The following UBR1 variants were observed in gnomAD, a reference collection of about 807,000 sequenced individuals.
UBR1 encodes the protein ubiquitin protein ligase E3 component n-recognin 1, also known as E3 ubiquitin-protein ligase UBR1.
UBR1 carries 102 observed loss-of-function variants against 242.1 expected under a neutral mutation model. The observed-to-expected ratio is 0.42, with a 90% CI of 0.36 to 0.50. UBR1 has a LOEUF of 0.50. Ranked by LOEUF, UBR1 falls within the 20% of genes least tolerant of loss-of-function variation. UBR1 has a pLI of 0.01. For synonymous variants in UBR1, 675 were observed against 684.8 expected, an observed-to-expected ratio of 0.99 and a Z score of 0.22; for missense variants, 1,772 against 2,101.8, an observed-to-expected ratio of 0.84 and a Z score of 3.07.
At chr15:43,086,340 T>C in intron 1 of UBR1, 100 bp from the exon 2 acceptor site, 1 of 1,420,158 alleles carries the variant, frequency 7.0e-7, no homozygotes. Context: ...CAAAGTAATT[T>C]ACAGTATATT....
At chr15:43,034,884 T>G (rs2033310466) in intron 19 of UBR1, among the ~76,000 whole-genome samples, 1 of 118,596 alleles carries the variant, frequency 8.4e-6, no homozygotes. Context: ...CAAAACGCCA[T>G]CTCCAAAAAA....
chr15:42,994,459 G>A (rs1386200762), intron 33 of UBR1, among the ~76,000 whole-genome samples: 3 of 148,540 alleles, frequency 2.0e-5, no homozygotes, highest in African/African-American at 7.5e-5. Flanking sequence ...AACTTCTGTA[G>A]AACATATTAC....
At chr15:43,051,761 G>A (rs2033559969) in intron 12 of UBR1, among the ~76,000 whole-genome samples, 1 of 152,064 alleles carries the variant, frequency 6.6e-6, no homozygotes, top group African/African-American at 2.4e-5. Context: ...CAAACAAAAG[G>A]GTAAGGAAGG....
chr15:42,945,733 G>A (rs1365545103), intron 46 of UBR1, among the ~76,000 whole-genome samples: 1 of 152,176 alleles, frequency 6.6e-6, no homozygotes, highest in African/African-American at 2.4e-5. Context: ...TCACTTAAAT[G>A]GTCACTGAGG....
chr15:43,014,433 T>A (rs1167194221), intron 29 of UBR1, among the ~76,000 whole-genome samples: 1 of 150,322 alleles, frequency 6.7e-6, no homozygotes, highest in African/African-American at 2.5e-5. Flanking sequence ...ATCTAGGAAG[T>A]GAGGAGCGCC....
intron 40 of UBR1, 97 bp from the exon 41 acceptor site, chr15:42,966,383 T>G: frequency 2.7e-6 from 4 of 1,491,562 alleles, no homozygotes; most frequent in Non-Finnish European, 3.7e-6. Flanking sequence ...GTTAAACATT[T>G]AGGTAATTTA....
intron 32 of UBR1, among the ~76,000 whole-genome samples, chr15:43,000,619 T>C (rs1274955012): frequency 1.3e-5 from 2 of 152,204 alleles, no homozygotes; most frequent in Non-Finnish European, 2.9e-5. Flanking sequence ...AGTCTCCAAT[T>C]CCTTATCTTT....
chr15:42,976,863 C>T lies in UBR1; in HGVS notation c.4223G>A (p.Gly1408Asp). 8.1e-6 allele frequency: 13 copies of T among 1,613,434 alleles called. No individual in the cohort carries two copies. Among genetic ancestry groups the T allele is most frequent in the East Asian group, 2.2e-5 (1 of 44,842 alleles). The change falls in exon 39 of 47, where the codon GGT becomes GAT. Residue 1408 changes from glycine to aspartate, a missense_variant. Around this residue, in one of 3 missense-constraint regions of UBR1, gnomAD observed 965 missense variants for 1,079.7 expected, o/e 0.89. Coordinates refer to ENST00000290650, the MANE Select transcript of UBR1 (RefSeq NM_174916.3). ...CAAGGATGGGAATGCTAACACAGCA[C>T]CCACCTATGAGAGAAAAATGGACAT... Reference protein sequence around the residue: ...LSIDLFHVLVGAVLAFPSLYW... With the variant: ...LSIDLFHVLVDAVLAFPSLYW...
intron 29 of UBR1, chr15:43,011,830 A>G: frequency 2.4e-6 from 1 of 424,276 alleles, no homozygotes; most frequent in Non-Finnish European, 4.7e-6. Flanking sequence ...GAACAGTTCT[A>G]AGGAAAAATT....
chr15:42,978,071 TC>T, intron 37 of UBR1, 124 bp from the exon 38 acceptor site: 1 of 741,840 alleles, frequency 1.3e-6, no homozygotes, highest in Non-Finnish European at 2.4e-6. Context: ...AACTAATACA[TC>T]ACACCTTTGA....
intron 40 of UBR1, among the ~76,000 whole-genome samples, chr15:42,967,560 G>A (rs1002991151): frequency 1.3e-5 from 2 of 151,882 alleles, no homozygotes; most frequent in Non-Finnish European, 2.9e-5. Flanking sequence ...GATGTGTGTG[G>A]CAGTTAAATT....
At chr15:42,994,922 T>C (rs2032612679) in intron 33 of UBR1, among the ~76,000 whole-genome samples, 2 of 152,246 alleles carry the variant, frequency 1.3e-5, no homozygotes, top group African/African-American at 4.8e-5. Flanking sequence ...GAATAAATGC[T>C]AGTCACTTGC....
At chr15:43,084,656 T>C (rs961763952) in intron 2 of UBR1, among the ~76,000 whole-genome samples, 1 of 152,172 alleles carries the variant, frequency 6.6e-6, no homozygotes, top group African/African-American at 2.4e-5. Flanking sequence ...GGGTTTCCCA[T>C]CTTGGCCAGG....
chr15:43,008,719 C>G (rs765426229), intron 29 of UBR1, among the ~76,000 whole-genome samples: 15 of 152,212 alleles, frequency 9.9e-5, no homozygotes, highest in Admixed American at 2.6e-4. Flanking sequence ...ATGAACCAGT[C>G]AGCACACACT....
At chr15:43,025,485 T>C in intron 23 of UBR1, 56 bp from the exon 24 acceptor site, 2 of 1,368,564 alleles carry the variant, frequency 1.5e-6, no homozygotes, top group Non-Finnish European at 2.1e-6. Context: ...ACAAATGAAA[T>C]ACATTAAAGC....
chr15:43,003,469 T>A (rs1243211818), intron 31 of UBR1: 1 of 323,370 alleles, frequency 3.1e-6, no homozygotes, highest in Non-Finnish European at 6.0e-6. Context: ...TTGGCCAGGC[T>A]GGTCTCAAAC....
chr15:43,070,921 G>T lies in UBR1; in HGVS notation c.533C>A (p.Ser178Ter). 1 of 1,612,928 alleles carries T rather than the reference G, an allele frequency of 6.2e-7. No individual in the cohort carries two copies. Among genetic ancestry groups the T allele is most frequent in the South Asian group, 1.1e-5 (1 of 91,068 alleles). Residue 178 changes from serine (S) to a stop codon, truncating the protein, a stop_gained, in exon 5 of 47, where the codon TCA becomes TAA. Coordinates refer to ENST00000290650, the MANE Select transcript of UBR1 (RefSeq NM_174916.3). LOFTEE classifies it high-confidence loss of function. ...PGRAGTIKEN[S>*]RCPLNEEVIV... Reference sequence around the variant, plus strand: ...TACCTCTTCATTCAACGGACAGCGTGAATTCTATAAAAAAGCCGAGAAAAA... The same window carrying T: ...TACCTCTTCATTCAACGGACAGCGTTAATTCTATAAAAAAGCCGAGAAAAA...
intron 10 of UBR1, among the ~76,000 whole-genome samples, chr15:43,057,353 T>C (rs1231277516): frequency 2.6e-5 from 4 of 152,232 alleles, no homozygotes; most frequent in Non-Finnish European, 5.9e-5. Flanking sequence ...TCATTATTTC[T>C]TTCTCTGCTT....
chr15:42,948,163 A>G (rs1447055991), intron 46 of UBR1, among the ~76,000 whole-genome samples: 1 of 152,216 alleles, frequency 6.6e-6, no homozygotes. Context: ...CAAACCTGAG[A>G]AAAACAAGCA....
Sources: allele counts gnomAD v4.1 joint callset (sites outside exome capture counted in the v4.1 genomes callset), GRCh38; gene constraint gnomAD v4.1.1; regional missense constraint gnomAD v4.1.1; transcripts MANE v1.5; gene names NCBI Gene and HGNC (gene_info 2026-07-23, HGNC 2026-07-21).